CENPE: variants seen among roughly 807,000 people sequenced by gnomAD.
The protein encoded by CENPE is centromere protein E.
In CENPE, 145 loss-of-function variants were observed where a neutral mutation model predicts 336.1. That is an observed-to-expected ratio of 0.43 (90% CI 0.38 to 0.50). The LOEUF (loss-of-function observed/expected upper bound fraction) is 0.50. CENPE is among the 20% of genes least tolerant of loss of function. The probability of loss-of-function intolerance (pLI) is 0.00; values close to 1 mark genes in which losing one functional copy is unlikely to be tolerated. For synonymous variants in CENPE, 1,013 were observed against 984.8 expected (o/e 1.03, Z -0.54); for missense variants, 2,719 against 3,023.3 (o/e 0.90, Z 2.36).
chr4:103,117,679 G>T (rs1370400275), intron 44 of CENPE, among the ~76,000 whole-genome samples: 1 of 147,812 alleles, frequency 6.8e-6, no homozygotes, highest in Admixed American at 6.8e-5. Context: ...CTAGGCTGGG[G>T]TGCAGTGGTG....
At chr4:103,111,976 G>C (rs1329797439) in intron 46 of CENPE, among the ~76,000 whole-genome samples, 1 of 151,730 alleles carries the variant, frequency 6.6e-6, no homozygotes, top group African/African-American at 2.4e-5. Context: ...ATGTACGTGT[G>C]TGTGCGTGTG....
rs760855208 is a variant in CENPE at position 103,122,855 on chromosome 4, A to G, written c.7143+16T>C. 5.1e-6 allele frequency: 8 copies of G among 1,580,400 alleles called. No individual in the cohort carries two copies. The highest frequency in any genetic ancestry group is 3.4e-5 in the South Asian group (3 of 89,462). On this transcript the variant is annotated intron_variant, in intron 43 of 48. Coordinates refer to ENST00000265148, the MANE Select transcript of CENPE (RefSeq NM_001813.3). Reference sequence around the variant, plus strand: ...GAAGCTGCAAACTGAAGAACATTTTATAAGAAATTATATACCTCTGTGGTT... The same window carrying G: ...GAAGCTGCAAACTGAAGAACATTTTGTAAGAAATTATATACCTCTGTGGTT...
At position 103,122,991 on chromosome 4, in the gene CENPE, T is replaced by C; in HGVS notation, c.7023A>G (p.Lys2341=). 1 of 1,613,932 alleles carries C rather than the reference T, an allele frequency of 6.2e-7. No individual in the cohort carries two copies. Among genetic ancestry groups the C allele is most frequent in the Non-Finnish European group, 8.5e-7 (1 of 1,179,854 alleles). Reference sequence around the variant, plus strand: ...TCAATGTTTGGTAGTTTTTAAATAGTTTTTCATTTTTCTCTTTCAGTGATT... The same window carrying C: ...TCAATGTTTGGTAGTTTTTAAATAGCTTTTCATTTTTCTCTTTCAGTGATT... ...DLKSLKEKNE[K]LFKNYQTLKT... The change falls in exon 43 of 49, where the codon AAA becomes AAG. Residue 2341 remains lysine (K), a synonymous_variant. Coordinates refer to ENST00000265148, the MANE Select transcript of CENPE (RefSeq NM_001813.3).
At chr4:103,146,569 G>C (rs1322425896) in intron 29 of CENPE, among the ~76,000 whole-genome samples, 1 of 152,186 alleles carries the variant, frequency 6.6e-6, no homozygotes. Context: ...AGAGAGACCT[G>C]AGAATCTGAA....
At chr4:103,110,461 T>C (rs924661464) in intron 47 of CENPE, among the ~76,000 whole-genome samples, 2 of 152,196 alleles carry the variant, frequency 1.3e-5, no homozygotes, top group African/African-American at 2.4e-5. Flanking sequence ...GCCGAATAAT[T>C]TGTTAGATCT....
At chr4:103,197,122 T>C (rs1378521860) in intron 1 of CENPE, among the ~76,000 whole-genome samples, 1 of 152,242 alleles carries the variant, frequency 6.6e-6, no homozygotes, top group Non-Finnish European at 1.5e-5. Context: ...TCTGATTATG[T>C]CTGTCTTGCT....
intron 4 of CENPE, 32 bp downstream of exon 4, chr4:103,195,888 G>A (rs1024124165): frequency 3.9e-6 from 5 of 1,295,030 alleles, no homozygotes; most frequent in Middle Eastern, 4.0e-4. Flanking sequence ...AGTTTTACCT[G>A]TACGTACTAG....
chr4:103,162,725 A>G (rs72665072), intron 18 of CENPE, among the ~76,000 whole-genome samples: 58 of 151,926 alleles, frequency 3.8e-4, no homozygotes, highest in Admixed American at 1.2e-3. Flanking sequence ...TGCCAGGCTT[A>G]TTTTTGTATA....
intron 16 of CENPE, among the ~76,000 whole-genome samples, chr4:103,164,180 T>C (rs1172468346): frequency 2.0e-5 from 3 of 152,148 alleles, no homozygotes; most frequent in Non-Finnish European, 2.9e-5. Context: ...TGTTCAACCA[T>C]GTAAAAGTAT....
intron 45 of CENPE, 180 bp downstream of exon 45, chr4:103,116,397 C>A (rs1286229771): frequency 7.7e-6 from 3 of 387,338 alleles, no homozygotes; most frequent in Non-Finnish European, 1.4e-5. Context: ...GTTTTAAAAA[C>A]TTTGCATATG....
Position 103,140,271 on chromosome 4 carries a change from A to G in CENPE, c.5898T>C (p.Asp1966=), listed in dbSNP as rs1395997785. 6.3e-7 allele frequency: 1 copy of G among 1,591,914 alleles called. No individual in the cohort carries two copies. The highest frequency in any genetic ancestry group is 8.5e-7 in the Non-Finnish European group (1 of 1,173,084). ...DIQKDLDKSK[D]ELQKKIQELQ... is the part of the protein sequence containing the mutation. ...CAACACATACCTTTTTCTGTAATTC[A>G]TCTTTTGATTTATCTAAATCCTTTT... Residue 1966 remains aspartate, a synonymous_variant, in exon 37 of 49, where the codon GAT becomes GAC. Transcript: ENST00000265148.
Position 103,148,744 on chromosome 4 carries a change from A to G in CENPE, c.3843+100T>C, listed in dbSNP as rs1753279738. 5.5e-6 allele frequency: 6 copies of G among 1,093,512 alleles called. No individual in the cohort carries two copies. The Admixed American group carries it at 6.4e-5, about 12-fold the overall frequency. 67.7% of individuals were successfully genotyped at this position (1,093,512 alleles called of 1,614,324 possible). A position where few individuals can be genotyped will look rare whatever the true frequency, so the allele number is the denominator to read the frequency against. On this transcript the variant is annotated intron_variant, in intron 28 of 48. Transcript: ENST00000265148. The stretch of plus-strand genomic sequence containing the variant: ...CACTCGACAAATACTTACCCAGTCA[A>G]TTAATGAACCACATCCTAGCTACTT...
At chr4:103,189,050 G>A (rs1757059166) in intron 8 of CENPE, among the ~76,000 whole-genome samples, 1 of 152,102 alleles carries the variant, frequency 6.6e-6, no homozygotes, top group African/African-American at 2.4e-5. Context: ...TAGAAGAAAT[G>A]GATAAATTGC....
chr4:103,125,852 G>A (rs1478239682), intron 42 of CENPE, among the ~76,000 whole-genome samples: 1 of 130,344 alleles, frequency 7.7e-6, no homozygotes, highest in Non-Finnish European at 1.6e-5. Flanking sequence ...GGGTGACAGA[G>A]TGAGACTCCA....
rs1043989779 is a variant in CENPE, at chr4:103,195,835, C to A, written c.357+85G>T. 1.8e-5 allele frequency: 15 copies of A among 832,866 alleles called. No individual in the cohort carries two copies. The African/African-American group carries it at 2.4e-4, about 13-fold the overall frequency. The allele number at this position is 832,866 out of a possible 1,614,324, so 51.6% of individuals were successfully genotyped here. ...TAACTGTAAATCTACTTCCTTTCAT[C>A]TTTACAAGAGAAATACACTAAGACT... On this transcript the variant is annotated intron_variant, in intron 4 of 48. Transcript: ENST00000265148.
Position 103,133,713 on chromosome 4 carries a change from A to G in CENPE, c.6702T>C (p.Asn2234=). ...RELRDLKLNQ[N]MDLHIEEILK... ...ATTATACCTCAATATGTAGATCCAT[A>G]TTCTGGTTCAATTTGAGATCCCTTA... The change falls in exon 41 of 49, where the codon AAT becomes AAC. Residue 2234 remains asparagine, a synonymous_variant. Coordinates refer to ENST00000265148, the MANE Select transcript of CENPE (RefSeq NM_001813.3). 6.2e-7 allele frequency: 1 copy of G among 1,601,324 alleles called. No individual in the cohort carries two copies. The highest frequency in any genetic ancestry group is 8.5e-7 in the Non-Finnish European group (1 of 1,172,122).
rs755920648 is a variant in CENPE, at chr4:103,153,203, T to C, written c.3081A>G (p.Gln1027=). ...TATCCTTAACATCTGCAGTTAGTGT[T>C]TGGGTATTTTTAGCTTCCAAATCCT... is the stretch of plus-strand genomic sequence containing the variant. The part of the protein sequence containing the change: ...KKQDLEAKNT[Q]TLTADVKDNE... Residue 1027 remains glutamine, a synonymous_variant, in exon 25 of 49, where the codon CAA becomes CAG. Coordinates refer to ENST00000265148, the MANE Select transcript of CENPE (RefSeq NM_001813.3). 154 of 1,612,816 alleles carry C rather than the reference T, an allele frequency of 9.5e-5. No individual in the cohort carries two copies. Among genetic ancestry groups the C allele is most frequent in the Non-Finnish European group, 1.3e-4 (153 of 1,179,532 alleles).
chr4:103,167,624 A>T (rs1031345453), intron 16 of CENPE, among the ~76,000 whole-genome samples: 3 of 152,144 alleles, frequency 2.0e-5, no homozygotes, highest in Non-Finnish European at 4.4e-5. Context: ...ATTACAGACA[A>T]GTCTTTTTGT....
At chr4:103,185,962 T>C (rs954302191) in intron 8 of CENPE, 101 bp from the exon 9 acceptor site, 6 of 724,236 alleles carry the variant, frequency 8.3e-6, no homozygotes, top group Non-Finnish European at 1.4e-5. Context: ...ATCTGAATAT[T>C]CGATCTGTAT....
Sources: allele counts gnomAD v4.1 joint callset (sites outside exome capture counted in the v4.1 genomes callset), GRCh38; gene constraint gnomAD v4.1.1; transcripts MANE v1.5; gene names NCBI Gene and HGNC (gene_info 2026-07-23, HGNC 2026-07-21).